The following PYGL variants were observed in gnomAD, a reference collection of about 807,000 sequenced individuals.
PYGL encodes the protein glycogen phosphorylase, liver form.
A neutral mutation model predicts 100.1 loss-of-function variants in PYGL; 90 were observed. That is an observed-to-expected ratio of 0.90 (90% CI 0.76 to 1.07). The LOEUF is 1.07. PYGL is among the 50% of genes least tolerant of loss of function. The pLI is 0.00. For missense variants in PYGL, 1,016 were observed against 1,057.6 expected (o/e 0.96, Z 0.55); for synonymous variants, 373 against 393.0 (o/e 0.95, Z 0.60).
At position 50,912,071 on chromosome 14, in the gene PYGL, C is replaced by T. The variant is rs2050404498; in HGVS notation, c.1769-35G>A. On this transcript the variant is annotated intron_variant, in intron 14 of 19. Transcript: ENST00000216392. ...ATGGAGAAGTGGATGAAATGGAAGA[C>T]AGCTGACGGTCAGGGCAGTGAGACC... 5.0e-6 allele frequency: 8 copies of T among 1,613,264 alleles called. No individual in the cohort carries two copies. The East Asian group carries it at 1.6e-4, about 31-fold the overall frequency.
Position 50,916,753 on chromosome 14 carries a change from C to T in PYGL, c.1000-19G>A. 6.2e-7 allele frequency: 1 copy of T among 1,606,874 alleles called. No individual in the cohort carries two copies. Among genetic ancestry groups the T allele is most frequent in the African/African-American group, 1.3e-5 (1 of 74,900 alleles). On this transcript the variant is annotated intron_variant, in intron 8 of 19. Transcript: ENST00000216392. ...TGGCCACCTGGGTGGGGAAAGACAT[C>T]AACATGAAGGCAACGGATGGCTCAG...
At chr14:50,911,674 CATGTAATCTCTAG>C in intron 16 of PYGL, 43 bp downstream of exon 16, 1 of 1,602,372 alleles carries the variant, frequency 6.2e-7, no homozygotes, top group Non-Finnish European at 8.5e-7. Context: ...TCTTTCATAC[CATGTAATCTCTAG>C]AGTTTGCCCT....
Position 50,915,893 on chromosome 14 carries a change from C to G in PYGL, c.1171G>C (p.Asp391His), listed in dbSNP as rs1315023625. 1 of 1,614,108 alleles carries G rather than the reference C, an allele frequency of 6.2e-7. No homozygotes were observed. The highest frequency in any genetic ancestry group is 1.3e-5 in the African/African-American group (1 of 74,942). Residue 391 changes from aspartate (D) to histidine (H), a missense_variant, in exon 10 of 20, where the codon GAC becomes CAC. Physicochemically the swap from Asp to His is moderately conservative, Grantham distance 81 (BLOSUM62 -1). Transcript: ENST00000216392. ...CGAGGGAGCAGCTTCTCCACCAGGTCCACGGGCCAGCGCTCCAGGGCTTCC... is the reference window on the plus strand; with the variant it reads ...CGAGGGAGCAGCTTCTCCACCAGGTGCACGGGCCAGCGCTCCAGGGCTTCC... The part of the protein sequence containing the change: ...LPEALERWPV[D>H]LVEKLLPRHL...
Position 50,913,090 on chromosome 14 carries a change from G to C in PYGL, c.1559C>G (p.Thr520Arg), listed in dbSNP as rs536165697. The C allele has an allele frequency of 1.2e-6, 2 of 1,613,990 alleles. No individual in the cohort carries two copies. The highest frequency in any genetic ancestry group is 1.1e-5 in the South Asian group (1 of 91,086). ...EDYVKDLSQL[T>R]KLHSFLGDDV... ...ATCACCCAGGAAGCTGTGGAGCTTCGTCAGCTGGCTCAGGTCTTTCACATA... is the reference window on the plus strand; with the variant it reads ...ATCACCCAGGAAGCTGTGGAGCTTCCTCAGCTGGCTCAGGTCTTTCACATA... Residue 520 changes from threonine to arginine, a missense_variant, in exon 13 of 20, where the codon ACG becomes AGG. Coordinates refer to ENST00000216392, the MANE Select transcript of PYGL (RefSeq NM_002863.5).
At chr14:50,932,959 A>G (rs2050616053) in intron 3 of PYGL, among the ~76,000 whole-genome samples, 1 of 152,214 alleles carries the variant, frequency 6.6e-6, no homozygotes, top group Non-Finnish European at 1.5e-5. Context: ...CCCTGTGCTC[A>G]CATATGGCCT....
intron 5 of PYGL, among the ~76,000 whole-genome samples, chr14:50,922,349 T>C (rs2050509702): frequency 1.3e-5 from 2 of 152,214 alleles, no homozygotes; most frequent in Admixed American, 6.5e-5. Context: ...ATCAATCACA[T>C]ATACTCAGTC....
intron 19 of PYGL, among the ~76,000 whole-genome samples, chr14:50,907,488 A>G (rs1249430597): frequency 6.6e-6 from 1 of 152,158 alleles, no homozygotes; most frequent in African/African-American, 2.4e-5. Context: ...CTGTACTATG[A>G]TGAAGCTACC....
chr14:50,915,124 T>A (rs568796855), intron 11 of PYGL: 100 of 688,072 alleles, frequency 1.5e-4, no homozygotes, highest in Non-Finnish European at 2.2e-4. Flanking sequence ...GGCTCCTATG[T>A]CTAGAATTAA....
rs2075643 is a variant in PYGL, at chr14:50,916,714, G to A, written c.1020C>T (p.Asp340=). Residue 340 remains aspartate (D), a synonymous_variant, in exon 9 of 20, where the codon GAC becomes GAT. Coordinates refer to ENST00000216392, the MANE Select transcript of PYGL (RefSeq NM_002863.5). ...CAGGGATCGCGAGTGCAGGGTGAGT[G>A]TCATTCAGCTGGATGGCCACCTGGG... ...FPDQVAIQLN[D]THPALAIPEL... The A allele has an allele frequency of 0.19, 310,468 of 1,612,936 alleles. 34,590 individuals carry two copies. Among genetic ancestry groups the A allele is most frequent in the East Asian group, 0.43 (19,097 of 44,866 alleles).
At chr14:50,922,671 G>A (rs549557221) in intron 5 of PYGL, among the ~76,000 whole-genome samples, 2 of 152,184 alleles carry the variant, frequency 1.3e-5, no homozygotes, top group Non-Finnish European at 1.5e-5. Context: ...CACTAGGGCC[G>A]AGACTTCTCT....
chr14:50,937,816 C>T lies in PYGL; in HGVS notation c.265G>A (p.Glu89Lys). ...TGTAATGTTCGGCCCATGTAAAATT[C>T]CAGAGAGAGGTAATATACCCTCTGA... ...CPKRVYYLSL[E>K]FYMGRTLQNT... The change falls in exon 2 of 20, where the codon GAA becomes AAA. Residue 89 changes from glutamate to lysine, a missense_variant. Coordinates refer to ENST00000216392, the MANE Select transcript of PYGL (RefSeq NM_002863.5). 1.9e-6 allele frequency: 3 copies of T among 1,613,468 alleles called. No homozygotes were observed. Among genetic ancestry groups the T allele is most frequent in the Non-Finnish European group, 2.5e-6 (3 of 1,179,482 alleles).
intron 5 of PYGL, among the ~76,000 whole-genome samples, chr14:50,922,083 A>G (rs17123180): frequency 0.021 from 3,246 of 152,308 alleles, 65 homozygotes; most frequent in East Asian, 0.072. Context: ...TGCATCGAAA[A>G]TTCAAGTGAG....
At chr14:50,933,007 T>G (rs1305771291) in intron 3 of PYGL, among the ~76,000 whole-genome samples, 1 of 152,198 alleles carries the variant, frequency 6.6e-6, no homozygotes. Flanking sequence ...GAGCTGTGGC[T>G]CTTCGGCTTT....
At chr14:50,931,374 A>G (rs115526480) in intron 4 of PYGL, among the ~76,000 whole-genome samples, 236 of 152,308 alleles carry the variant, frequency 1.5e-3, no homozygotes, top group African/African-American at 5.4e-3. Context: ...ATGGAACATC[A>G]CACATTGTAG....
chr14:50,942,308 C>T (rs75107977), intron 1 of PYGL, among the ~76,000 whole-genome samples: 4,276 of 139,404 alleles, frequency 0.031, 508 homozygotes, highest in African/African-American at 0.1. Flanking sequence ...AGAAACTGGC[C>T]GGAGAACCAG....
chr14:50,915,560 C>T (rs1046224194), intron 10 of PYGL, 61 bp from the exon 11 acceptor site: 27 of 1,597,900 alleles, frequency 1.7e-5, no homozygotes, highest in South Asian at 5.5e-5. Flanking sequence ...ATTGGGATAA[C>T]GCTGTTCATG....
chr14:50,938,866 A>T (rs1380688415), intron 1 of PYGL, among the ~76,000 whole-genome samples: 1 of 152,138 alleles, frequency 6.6e-6, no homozygotes, highest in Non-Finnish European at 1.5e-5. Context: ...ATTCATTAAT[A>T]AAATATTTAT....
rs1326875603 is a variant in PYGL at position 50,915,918 on chromosome 14, C to G, written c.1146G>C (p.Pro382=). Residue 382 remains proline (P), a synonymous_variant, in exon 10 of 20, where the codon CCG becomes CCC. Coordinates refer to ENST00000216392, the MANE Select transcript of PYGL (RefSeq NM_002863.5). The stretch of plus-strand genomic sequence containing the variant: ...CCACGGGCCAGCGCTCCAGGGCTTC[C>G]GGGAGCACTGTGTGGTTGGTGTAGG... The part of the protein sequence containing the change: ...TFAYTNHTVL[P]EALERWPVDL... 1 of 1,614,246 alleles carries G rather than the reference C, an allele frequency of 6.2e-7. No individual in the cohort carries two copies. The highest frequency in any genetic ancestry group is 8.5e-7 in the Non-Finnish European group (1 of 1,180,042).
intron 1 of PYGL, among the ~76,000 whole-genome samples, chr14:50,938,475 G>T (rs529963404): frequency 5.9e-5 from 9 of 152,330 alleles, no homozygotes; most frequent in South Asian, 2.1e-4. Flanking sequence ...GCCTCCCAAA[G>T]TGCTGAGATT....
Sources: gnomAD v4.1 joint callset for allele counts (sites outside exome capture counted in the v4.1 genomes callset) on GRCh38, gnomAD v4.1.1 for gene constraint, MANE v1.5 for transcripts, NCBI Gene and HGNC (gene_info 2026-07-23, HGNC 2026-07-21) for gene names.